ESRRG: variants seen among roughly 807,000 people sequenced by gnomAD.
ESRRG encodes the protein estrogen related receptor gamma, also known as estrogen-related receptor gamma.
A neutral mutation model predicts 44.0 loss-of-function variants in ESRRG; 13 were observed. The ratio of observed to expected loss-of-function variants is 0.30; its 90% CI spans 0.19 to 0.47. The LOEUF (loss-of-function observed/expected upper bound fraction) is 0.47, where lower values mean the gene tolerates loss of function less well. Among genes scored for constraint, ESRRG ranks in the 20% least tolerant of loss-of-function variants. ESRRG has a pLI of 1.00. For missense variants in ESRRG, 395 were observed against 580.6 expected (o/e 0.68, Z 3.29); for synonymous variants, 215 against 214.6 (o/e 1.00, Z -0.02).
At chr1:216,618,767 G>A (rs1384983866) in intron 3 of ESRRG, among the ~76,000 whole-genome samples, 1 of 152,194 alleles carries the variant, frequency 6.6e-6, no homozygotes, top group Non-Finnish European at 1.5e-5. Flanking sequence ...TATGTTTAAG[G>A]TTAGGAGTGA....
At chr1:216,564,478 T>C in intron 4 of ESRRG, 98 bp from the exon 5 acceptor site, 1 of 923,062 alleles carries the variant, frequency 1.1e-6, no homozygotes, top group Non-Finnish European at 1.6e-6. Context: ...AATCCAAATA[T>C]CCTACAATAA....
chr1:217,002,214 A>G (rs2077114734), intron 1 of ESRRG, among the ~76,000 whole-genome samples: 1 of 151,676 alleles, frequency 6.6e-6, no homozygotes. Flanking sequence ...AGCCACGAGA[A>G]TCTCTTGAAC....
In ESRRG at chr1:216,912,213, G is replaced by A. The variant is rs1350632492; in HGVS notation, c.-14+27369C>T. Among the ~76,000 whole-genome samples, 71 of 11,554 alleles carry A rather than the reference G, an allele frequency of 6.1e-3. 12 individuals carry two copies. The highest frequency in any genetic ancestry group is 0.046 in the Admixed American group (37 of 798). The allele number at this position is 11,554 out of a possible 152,430, so 7.6% of individuals were successfully genotyped here. ...GAGGAGAGGAGAGGAGAGGAGAGGA[G>A]AGGAGAGGAGAGGAGAGGAGAGGAG... On this transcript the variant is annotated intron_variant, in intron 2 of 7. Transcript: ENST00000359162.
chr1:216,579,957 C>G (rs2149793818), intron 3 of ESRRG, among the ~76,000 whole-genome samples: 1 of 152,248 alleles, frequency 6.6e-6, no homozygotes, highest in South Asian at 2.1e-4. Flanking sequence ...CTGCAAACGT[C>G]AAGGTATTTC....
At chr1:216,881,971 T>C (rs948706503) in intron 2 of ESRRG, among the ~76,000 whole-genome samples, 46 of 149,212 alleles carry the variant, frequency 3.1e-4, no homozygotes, top group Non-Finnish European at 6.1e-4. Context: ...TGCACTGGGT[T>C]TTTTTTTTTT....
intron 2 of ESRRG, among the ~76,000 whole-genome samples, chr1:216,833,967 T>A (rs563298277): frequency 5.9e-5 from 9 of 152,264 alleles, no homozygotes; most frequent in Admixed American, 2.6e-4. Context: ...AGACCATGAG[T>A]CTCTCTAGTT....
intron 2 of ESRRG, among the ~76,000 whole-genome samples, chr1:216,937,840 A>G (rs2064409412): frequency 6.6e-6 from 1 of 152,106 alleles, no homozygotes; most frequent in South Asian, 2.1e-4. Flanking sequence ...TCACTTTTAC[A>G]CACATGCATA....
intron 1 of ESRRG, chr1:216,707,336 C>A (rs1290480316): frequency 6.5e-7 from 1 of 1,535,274 alleles, no homozygotes; most frequent in African/African-American, 1.4e-5. Flanking sequence ...CAAGTCTTCA[C>A]AAAGAAAAAT....
At chr1:216,958,533 A>G (rs1578678122) in intron 1 of ESRRG, among the ~76,000 whole-genome samples, 1 of 152,088 alleles carries the variant, frequency 6.6e-6, no homozygotes, top group Non-Finnish European at 1.5e-5. Flanking sequence ...TTGTGAATAT[A>G]TTTCCATATG....
chr1:217,118,872 T>C (rs1225033160), intron 1 of ESRRG, among the ~76,000 whole-genome samples: 3 of 152,086 alleles, frequency 2.0e-5, no homozygotes, highest in Non-Finnish European at 4.4e-5. Flanking sequence ...CTTATTCCTG[T>C]AGCCCCAGCT....
At position 217,031,658 on chromosome 1, in the gene ESRRG, T is replaced by C. The variant is rs542103720; in HGVS notation, c.-106+57849A>G. 9.2e-5 allele frequency among the ~76,000 whole-genome samples: 14 copies of C among 152,320 alleles called. No individual in the cohort carries two copies. In the South Asian group the frequency reaches 2.7e-3, roughly 29 times the overall value. On this transcript the variant is annotated intron_variant, in intron 1 of 7. Coordinates refer to the ESRRG transcript ENST00000359162. Reference sequence around the variant, plus strand: ...CCCACCCAAATCTCATTTTGAATTGTAGTTCTCATAATCCCCACATGTGGT... The same window carrying C: ...CCCACCCAAATCTCATTTTGAATTGCAGTTCTCATAATCCCCACATGTGGT...
At chr1:216,642,916 T>G (rs1386139737) in intron 3 of ESRRG, among the ~76,000 whole-genome samples, 1 of 152,206 alleles carries the variant, frequency 6.6e-6, no homozygotes, top group Non-Finnish European at 1.5e-5. Flanking sequence ...TGTAACTAAA[T>G]GACCTGCGTA....
chr1:216,565,984 G>GC lies in ESRRG; in HGVS notation c.701-1605_701-1604insG, dbSNP rs2059620748. ...TCCGAAAGTAATCATGATTCTAGTT[G>GC]TTTTTTTTTTAGTACAGGGAACATA... On this transcript the variant is annotated intron_variant, in intron 4 of 6. Transcript: ENST00000408911. Among the ~76,000 whole-genome samples the GC allele has an allele frequency of 2.7e-5, 4 of 149,608 alleles. No homozygotes were observed. In the South Asian group the frequency reaches 8.4e-4, roughly 32 times the overall value.
At chr1:217,014,816 AT>A (rs746373668) in intron 1 of ESRRG, among the ~76,000 whole-genome samples, 1 of 152,178 alleles carries the variant, frequency 6.6e-6, no homozygotes, top group Non-Finnish European at 1.5e-5. Flanking sequence ...TCATTTATTT[AT>A]TCTCTACCTT....
chr1:216,727,208 A>G (rs1013008652), upstream of ESRRG, among the ~76,000 whole-genome samples: 30 of 152,312 alleles, frequency 2.0e-4, 1 homozygote, highest in Admixed American at 1.4e-3. Context: ...AGATTTTCAA[A>G]TTGCCTAGTA....
chr1:217,097,648 G>A (rs1273134493), intron 1 of ESRRG, among the ~76,000 whole-genome samples: 1 of 152,112 alleles, frequency 6.6e-6, no homozygotes, highest in African/African-American at 2.4e-5. Context: ...AAGTATCGGG[G>A]TTATTGGGAA....
chr1:216,669,257 A>G (rs558564488), intron 2 of ESRRG, among the ~76,000 whole-genome samples: 39 of 152,312 alleles, frequency 2.6e-4, no homozygotes, highest in African/African-American at 9.1e-4. Context: ...CCTCAAAAGT[A>G]TAATTTAGGT....
chr1:216,844,929 T>A (rs1305134302), intron 2 of ESRRG, among the ~76,000 whole-genome samples: 1 of 152,142 alleles, frequency 6.6e-6, no homozygotes, highest in Non-Finnish European at 1.5e-5. Context: ...AATATTTATT[T>A]AGTTGGATTG....
intron 1 of ESRRG, among the ~76,000 whole-genome samples, chr1:216,965,837 C>G (rs781535665): frequency 6.6e-6 from 1 of 152,168 alleles, no homozygotes; most frequent in Non-Finnish European, 1.5e-5. Context: ...GTCTGGTGCA[C>G]TACTCTAAGA....
Sources: gnomAD v4.1 joint callset for allele counts (sites outside exome capture counted in the v4.1 genomes callset) on GRCh38, gnomAD v4.1.1 for gene constraint, MANE v1.5 for transcripts, NCBI Gene and HGNC (gene_info 2026-07-23, HGNC 2026-07-21) for gene names.